Variants in DOCK3 observed in about 807,000 individuals in gnomAD.
The protein encoded by DOCK3 is dedicator of cytokinesis protein 3.
Under a neutral mutation model 265.6 loss-of-function variants are expected in DOCK3, and 60 were observed. The observed-to-expected ratio is 0.23, with a 90% confidence interval of 0.18 to 0.28. The LOEUF (loss-of-function observed/expected upper bound fraction) is 0.28. DOCK3 is among the 10% of genes least tolerant of loss of function. The pLI is 1.00. For missense variants in DOCK3, 1,981 were observed against 2,594.3 expected (o/e 0.76, Z 5.14); for synonymous variants, 881 against 938.0 (o/e 0.94, Z 1.11).
chr3:51,121,762 C>T (rs2084028212), intron 9 of DOCK3, among the ~76,000 whole-genome samples: 1 of 152,054 alleles, frequency 6.6e-6, no homozygotes, highest in African/African-American at 2.4e-5. Context: ...TGTACCAAAC[C>T]CTGTGTCAGG....
rs149679423 is a variant in DOCK3, at chr3:50,718,891, C to A, written c.37+43591C>A. Among the ~76,000 whole-genome samples, 635 of 151,112 alleles carry A rather than the reference C, an allele frequency of 4.2e-3. 8 individuals carry two copies. Among genetic ancestry groups the A allele is most frequent in the African/African-American group, 0.013 (536 of 41,208 alleles). ...CTCCACCTCCTGGGTTCAAGCCATTCTCCTGCCTCAGCCTCCTGAGTAGCT... is the reference window on the plus strand; with the variant it reads ...CTCCACCTCCTGGGTTCAAGCCATTATCCTGCCTCAGCCTCCTGAGTAGCT... On this transcript the variant is annotated intron_variant, in intron 1 of 52. Transcript: ENST00000266037.
intron 5 of DOCK3, among the ~76,000 whole-genome samples, chr3:50,974,198 A>T (rs1214173049): frequency 6.6e-6 from 1 of 151,934 alleles, no homozygotes; most frequent in Admixed American, 6.6e-5. Context: ...AGTGTTTTAG[A>T]CATGAAGTCC....
chr3:51,380,293 A>G, intron 52 of DOCK3, 86 bp downstream of exon 52: 1 of 1,275,040 alleles, frequency 7.8e-7, no homozygotes, highest in South Asian at 1.4e-5. Context: ...CTACAGGAGG[A>G]ACTGGAGCCC....
intron 2 of DOCK3, chr3:50,786,615 G>T (rs542252674): frequency 8.8e-6 from 5 of 568,916 alleles, no homozygotes; most frequent in Non-Finnish European, 1.3e-5. Flanking sequence ...AAAGTTGTCC[G>T]CACTCTGGCC....
intron 1 of DOCK3, among the ~76,000 whole-genome samples, chr3:50,776,653 A>G (rs1001975624): frequency 6.6e-6 from 1 of 151,934 alleles, no homozygotes; most frequent in Non-Finnish European, 1.5e-5. Context: ...TGCTTAAGCC[A>G]ATGTTCAGGA....
At chr3:51,211,807 G>A (rs2089519508) in intron 13 of DOCK3, among the ~76,000 whole-genome samples, 1 of 152,138 alleles carries the variant, frequency 6.6e-6, no homozygotes. Flanking sequence ...TGTGAATAGT[G>A]CCACAATAAA....
chr3:51,085,983 A>T (rs1356851949), intron 7 of DOCK3, among the ~76,000 whole-genome samples: 1 of 152,234 alleles, frequency 6.6e-6, no homozygotes, highest in African/African-American at 2.4e-5. Flanking sequence ...ACCCAGTGAC[A>T]CTAGAGGAAT....
At chr3:51,089,511 T>C (rs1342524289) in intron 8 of DOCK3, among the ~76,000 whole-genome samples, 1 of 152,206 alleles carries the variant, frequency 6.6e-6, no homozygotes, top group Non-Finnish European at 1.5e-5. Flanking sequence ...TGAATCAGTC[T>C]GGGAGAAAAT....
At chr3:51,364,209 G>T (rs2086958584) in intron 49 of DOCK3, among the ~76,000 whole-genome samples, 1 of 152,178 alleles carries the variant, frequency 6.6e-6, no homozygotes, top group Non-Finnish European at 1.5e-5. Flanking sequence ...TCTCATTGTG[G>T]TTTTGATTTG....
chr3:50,771,877 AAAC>A (rs1375398637), intron 1 of DOCK3, among the ~76,000 whole-genome samples: 1 of 151,046 alleles, frequency 6.6e-6, no homozygotes, highest in Non-Finnish European at 1.5e-5. Flanking sequence ...ACAAAACAAA[AAAC>A]AAAACAAAAT....
intron 5 of DOCK3, among the ~76,000 whole-genome samples, chr3:50,949,662 A>G (rs1464076835): frequency 6.6e-6 from 1 of 152,086 alleles, no homozygotes; most frequent in Admixed American, 6.6e-5. Context: ...GATTTATCTT[A>G]TGGTTTGGGA....
At chr3:51,168,720 A>C (rs1475481946) in intron 12 of DOCK3, among the ~76,000 whole-genome samples, 5 of 152,236 alleles carry the variant, frequency 3.3e-5, no homozygotes, top group Non-Finnish European at 5.9e-5. Flanking sequence ...AGCCATCGCA[A>C]CAAATGCGAA....
intron 5 of DOCK3, among the ~76,000 whole-genome samples, chr3:50,977,876 C>T (rs1040174537): frequency 7.2e-5 from 11 of 151,984 alleles, no homozygotes; most frequent in Middle Eastern, 3.4e-3. Context: ...CTTCCCTTCT[C>T]GCTTCATTTC....
chr3:50,740,136 A>T (rs1377263736), intron 1 of DOCK3, among the ~76,000 whole-genome samples: 1 of 152,108 alleles, frequency 6.6e-6, no homozygotes, highest in East Asian at 1.9e-4. Flanking sequence ...TTTTGACTAC[A>T]TTTCTCATTA....
chr3:51,235,813 A>AT (rs2078328514), intron 19 of DOCK3, among the ~76,000 whole-genome samples: 1 of 152,206 alleles, frequency 6.6e-6, no homozygotes, highest in Non-Finnish European at 1.5e-5. Flanking sequence ...GACAGCCCTC[A>AT]TTGACTGCAT....
Position 51,275,350 on chromosome 3 carries a change from T to C in DOCK3, c.2676+144T>C, listed in dbSNP as rs899195251. The C allele has an allele frequency of 8.0e-6, 10 of 1,252,790 alleles. No homozygotes were observed. In the Admixed American group the frequency reaches 1.8e-4, roughly 23 times the overall value. The allele number at this position is 1,252,790 out of a possible 1,614,324, so 77.6% of individuals were successfully genotyped here. A position where few individuals can be genotyped will look rare whatever the true frequency, so the allele number is the denominator to read the frequency against. On this transcript the variant is annotated intron_variant, in intron 25 of 52. Coordinates refer to ENST00000266037, the MANE Select transcript of DOCK3 (RefSeq NM_004947.5). ...AGTGACAGGAAGGTGCCCAAGTGAA[T>C]GGAGCCCTGTGTGTTCCCAGCAGGT...
chr3:50,773,873 A>T (rs904601444), intron 1 of DOCK3, among the ~76,000 whole-genome samples: 1 of 152,068 alleles, frequency 6.6e-6, no homozygotes, highest in African/African-American at 2.4e-5. Flanking sequence ...GTTTCTTAAC[A>T]ATTCCCAAGC....
chr3:51,040,555 G>T (rs535083856), intron 5 of DOCK3, among the ~76,000 whole-genome samples: 38 of 152,258 alleles, frequency 2.5e-4, no homozygotes, highest in African/African-American at 8.9e-4. Context: ...GAAGGTTGGT[G>T]TGGCTGTGGC....
intron 2 of DOCK3, among the ~76,000 whole-genome samples, chr3:50,834,627 T>C (rs932921472): frequency 1.3e-5 from 2 of 152,186 alleles, no homozygotes; most frequent in East Asian, 1.9e-4. Context: ...GAGAAAGTCA[T>C]ACTTTATAAT....
Sources: allele counts gnomAD v4.1 joint callset (sites outside exome capture counted in the v4.1 genomes callset), GRCh38; gene constraint gnomAD v4.1.1; transcripts MANE v1.5; gene names NCBI Gene and HGNC (gene_info 2026-07-23, HGNC 2026-07-21).